Variants in CTNNA3 observed in about 807,000 individuals in gnomAD.
The protein encoded by CTNNA3 is catenin alpha-3.
In CTNNA3, 76 loss-of-function variants were observed where a neutral mutation model predicts 95.7. The ratio of observed to expected loss-of-function variants is 0.79; its 90% confidence interval spans 0.66 to 0.96. CTNNA3 has a LOEUF of 0.96. Ranked by LOEUF, CTNNA3 falls within the 40% of genes least tolerant of loss-of-function variation. The pLI is 0.00. For missense variants in CTNNA3, 1,191 were observed against 1,089.8 expected (o/e 1.09, Z -1.31); for synonymous variants, 431 against 374.4 (o/e 1.15, Z -1.74).
Position 66,686,000 on chromosome 10 carries a change from T to C in CTNNA3, c.1282-64216A>G, listed in dbSNP as rs73320074. On this transcript the variant is annotated intron_variant, in intron 9 of 17. Transcript: ENST00000433211. ...AGTTTAAAATCATTTGATCTACTTA[T>C]ATAACACTCATAATTTTTGTATCTT... is the stretch of plus-strand genomic sequence containing the variant. Among the ~76,000 whole-genome samples the C allele has an allele frequency of 7.0e-3, 1,072 of 152,326 alleles. 12 individuals carry two copies. The highest frequency in any genetic ancestry group is 0.024 in the African/African-American group (1,016 of 41,566).
At chr10:67,278,016 C>G (rs1034497421) in intron 5 of CTNNA3, among the ~76,000 whole-genome samples, 3 of 152,080 alleles carry the variant, frequency 2.0e-5, no homozygotes, top group Non-Finnish European at 2.9e-5. Context: ...CTTTGCTTTC[C>G]CAGTAAACTT....
At chr10:66,285,249 A>G (rs1184968165) in intron 12 of CTNNA3, among the ~76,000 whole-genome samples, 1 of 151,946 alleles carries the variant, frequency 6.6e-6, no homozygotes, top group Non-Finnish European at 1.5e-5. Context: ...GGACTTAGAT[A>G]TAGCTTCATG....
intron 5 of CTNNA3, among the ~76,000 whole-genome samples, chr10:67,493,116 A>AGTTTT (rs1190848172): frequency 1.3e-5 from 2 of 151,704 alleles, no homozygotes; most frequent in Non-Finnish European, 2.9e-5. Context: ...TTTTAAAGGT[A>AGTTTT]GTTTTGTTTT....
At chr10:67,055,899 G>T (rs1855399514) in intron 7 of CTNNA3, among the ~76,000 whole-genome samples, 1 of 152,070 alleles carries the variant, frequency 6.6e-6, no homozygotes, top group Non-Finnish European at 1.5e-5. Flanking sequence ...TTTAGTTATT[G>T]ACTGGGAATT....
intron 5 of CTNNA3, among the ~76,000 whole-genome samples, chr10:67,485,210 C>T (rs561681941): frequency 6.6e-6 from 1 of 152,168 alleles, no homozygotes; most frequent in Non-Finnish European, 1.5e-5. Flanking sequence ...TGCAAGTTAA[C>T]ACAGAAACAG....
At position 66,873,102 on chromosome 10, in the gene CTNNA3, C is replaced by T. The variant is rs117651756; in HGVS notation, c.1048-97578G>A. ...TCTTTATCCCAATTCACCATGGATG[C>T]ACACCTAGGTTGATTTCATGTTTTT... On this transcript the variant is annotated intron_variant, in intron 7 of 17. Transcript: ENST00000433211. Among the ~76,000 whole-genome samples the T allele has an allele frequency of 8.4e-3, 1,286 of 152,252 alleles. 12 individuals are homozygous for T. Among genetic ancestry groups the T allele is most frequent in the Middle Eastern group, 0.027 (8 of 294 alleles).
chr10:67,539,696 A>G (rs746122810), intron 3 of CTNNA3, 27 bp from the exon 4 acceptor site: 3 of 1,601,198 alleles, frequency 1.9e-6, no homozygotes, highest in East Asian at 4.5e-5. Context: ...CATATAAGTT[A>G]TACTTTAAGT....
At chr10:67,726,242 T>C (rs1344446620) in intron 1 of CTNNA3, among the ~76,000 whole-genome samples, 1 of 94,856 alleles carries the variant, frequency 1.1e-5, no homozygotes, top group Non-Finnish European at 1.8e-5. Context: ...ATATATTATA[T>C]ATTATATATA....
At chr10:66,392,774 G>A (rs995382297) in intron 11 of CTNNA3, among the ~76,000 whole-genome samples, 1 of 152,098 alleles carries the variant, frequency 6.6e-6, no homozygotes, top group African/African-American at 2.4e-5. Flanking sequence ...CTCGTTCATC[G>A]CTGAAGAGAA....
intron 7 of CTNNA3, among the ~76,000 whole-genome samples, chr10:67,121,946 T>A (rs1859483853): frequency 6.9e-6 from 1 of 145,232 alleles, no homozygotes; most frequent in Non-Finnish European, 1.5e-5. Context: ...ACTAATTTAA[T>A]TGTGTAGCAC....
rs73317825 is a variant in CTNNA3, at chr10:66,258,979, C to T, written c.1884+21491G>A. Reference sequence around the variant, plus strand: ...TATACACACTTTCCTAAAGTAACCACTACTGGGCCAAAACCTCTACTGATT... The same window carrying T: ...TATACACACTTTCCTAAAGTAACCATTACTGGGCCAAAACCTCTACTGATT... On this transcript the variant is annotated intron_variant, in intron 13 of 17. Coordinates refer to ENST00000433211, the MANE Select transcript of CTNNA3 (RefSeq NM_013266.4). Among the ~76,000 whole-genome samples, 775 of 152,276 alleles carry T rather than the reference C, an allele frequency of 5.1e-3. 11 individuals are homozygous for T. The highest frequency in any genetic ancestry group is 0.018 in the African/African-American group (728 of 41,564).
In CTNNA3 at chr10:65,979,057, C is replaced by A. The variant is rs114054513; in HGVS notation, c.2265+9635G>T. 6.2e-3 allele frequency among the ~76,000 whole-genome samples: 950 copies of A among 152,170 alleles called. 8 individuals carry two copies. The highest frequency in any genetic ancestry group is 0.021 in the African/African-American group (889 of 41,534). On this transcript the variant is annotated intron_variant, in intron 16 of 17. Coordinates refer to ENST00000433211, the MANE Select transcript of CTNNA3 (RefSeq NM_013266.4). Reference sequence around the variant, plus strand: ...TGGGAAAGTATGGTGCATGGCATATCTCAATGAATAAAGGTTGTTTTTACC... The same window carrying A: ...TGGGAAAGTATGGTGCATGGCATATATCAATGAATAAAGGTTGTTTTTACC...
intron 9 of CTNNA3, among the ~76,000 whole-genome samples, chr10:66,691,828 C>T (rs1274739590): frequency 4.6e-5 from 7 of 151,830 alleles, no homozygotes; most frequent in South Asian, 2.1e-4. Flanking sequence ...CTGCAGCCAC[C>T]GCTGCTGATA....
intron 11 of CTNNA3, among the ~76,000 whole-genome samples, chr10:66,408,102 C>T (rs545557506): frequency 6.6e-6 from 1 of 152,208 alleles, no homozygotes; most frequent in Non-Finnish European, 1.5e-5. Flanking sequence ...ACTTATAATA[C>T]CTAATAAAAT....
chr10:66,417,237 C>T (rs1244691225), intron 11 of CTNNA3, among the ~76,000 whole-genome samples: 2 of 151,822 alleles, frequency 1.3e-5, no homozygotes, highest in Non-Finnish European at 2.9e-5. Flanking sequence ...GCAGAGGTAG[C>T]TATACTCATA....
chr10:67,357,487 A>C (rs1470244882), intron 5 of CTNNA3, among the ~76,000 whole-genome samples: 1 of 152,136 alleles, frequency 6.6e-6, no homozygotes, highest in African/African-American at 2.4e-5. Context: ...CTTAATAGAA[A>C]GTATGTAAGA....
At chr10:66,966,564 T>A (rs1849424254) in intron 7 of CTNNA3, among the ~76,000 whole-genome samples, 1 of 152,116 alleles carries the variant, frequency 6.6e-6, no homozygotes, top group East Asian at 1.9e-4. Flanking sequence ...AGAAGCTTTT[T>A]AACATAGCCA....
chr10:67,724,905 G>C (rs535254352), intron 1 of CTNNA3, among the ~76,000 whole-genome samples: 1 of 152,004 alleles, frequency 6.6e-6, no homozygotes, highest in Admixed American at 6.6e-5. Flanking sequence ...ACAACAACTT[G>C]CCAGTGCTCA....
chr10:66,611,169 T>C (rs979333735), intron 10 of CTNNA3, among the ~76,000 whole-genome samples: 7 of 152,100 alleles, frequency 4.6e-5, no homozygotes, highest in Admixed American at 2.6e-4. Context: ...AGTTGGTTAA[T>C]GGGTACAAAA....
Sources: allele counts gnomAD v4.1 joint callset (sites outside exome capture counted in the v4.1 genomes callset), GRCh38; gene constraint gnomAD v4.1.1; transcripts MANE v1.5; gene names NCBI Gene and HGNC (gene_info 2026-07-23, HGNC 2026-07-21).